Variants in CPNE4 observed in about 807,000 individuals in gnomAD.
The protein encoded by CPNE4 is copine 4, also known as copine-4.
A neutral mutation model predicts 67.9 loss-of-function variants in CPNE4; 25 were observed. The observed-to-expected ratio is 0.37, with a 90% confidence interval of 0.27 to 0.51. The LOEUF is 0.51. CPNE4 is among the 20% of genes least tolerant of loss of function. The pLI is 0.93. For missense variants in CPNE4, 464 were observed against 690.8 expected, an observed-to-expected ratio of 0.67 and a Z score of 3.68; for synonymous variants, 242 against 244.9, an observed-to-expected ratio of 0.99 and a Z score of 0.11.
intron 7 of CPNE4, among the ~76,000 whole-genome samples, chr3:131,610,014 A>G (rs1939739951): frequency 6.6e-6 from 1 of 152,148 alleles, no homozygotes; most frequent in Admixed American, 6.6e-5. Flanking sequence ...TCCTTTAAGA[A>G]TAATGTTTTA....
intron 2 of CPNE4, among the ~76,000 whole-genome samples, chr3:131,859,785 G>T (rs565452300): frequency 3.9e-5 from 6 of 152,256 alleles, no homozygotes; most frequent in Non-Finnish European, 7.4e-5. Context: ...ATACCCAAAC[G>T]TCTTTAGTTT....
intron 7 of CPNE4, among the ~76,000 whole-genome samples, chr3:131,656,916 T>C (rs1437278832): frequency 6.6e-6 from 1 of 152,160 alleles, no homozygotes; most frequent in Non-Finnish European, 1.5e-5. Flanking sequence ...GGTGGGAATT[T>C]CAGGCATATA....
intron 2 of CPNE4, among the ~76,000 whole-genome samples, chr3:131,854,903 T>C (rs1050292378): frequency 2.0e-5 from 3 of 151,382 alleles, no homozygotes; most frequent in African/African-American, 7.3e-5. Flanking sequence ...AACAGTACCA[T>C]TTCACATAAT....
Position 131,855,811 on chromosome 3 carries a change from C to T in CPNE4, c.180+49453G>A, listed in dbSNP as rs369508237. Among the ~76,000 whole-genome samples, 11 of 151,998 alleles carry T rather than the reference C, an allele frequency of 7.2e-5. No homozygotes were observed. In the South Asian group the frequency reaches 1.0e-3, roughly 14 times the overall value. The stretch of plus-strand genomic sequence containing the variant: ...CTTCCAGACATTGCTCAGCTAAATC[C>T]GTCATCATATATCTGGCTGTATTTA... On this transcript the variant is annotated intron_variant, in intron 2 of 15. Coordinates refer to ENST00000429747, the MANE Select transcript of CPNE4 (RefSeq NM_130808.3).
At chr3:131,906,526 G>A (rs1439928232) in intron 1 of CPNE4, among the ~76,000 whole-genome samples, 1 of 150,982 alleles carries the variant, frequency 6.6e-6, no homozygotes, top group Non-Finnish European at 1.5e-5. Context: ...TCTTGCGATA[G>A]TTTACTGAGA....
chr3:131,927,638 TAATC>T (rs1275549866), intron 1 of CPNE4, among the ~76,000 whole-genome samples: 2 of 152,224 alleles, frequency 1.3e-5, no homozygotes, highest in African/African-American at 4.8e-5. Flanking sequence ...ACTGATGAAT[TAATC>T]AATCAATCAA....
intron 2 of CPNE4, among the ~76,000 whole-genome samples, chr3:131,820,192 T>C (rs2084911987): frequency 6.6e-6 from 1 of 152,168 alleles, no homozygotes; most frequent in Non-Finnish European, 1.5e-5. Flanking sequence ...ATTCAGGATA[T>C]TTATTGAGGA....
At chr3:131,931,771 G>C (rs2071068089) in intron 1 of CPNE4, among the ~76,000 whole-genome samples, 1 of 152,052 alleles carries the variant, frequency 6.6e-6, no homozygotes. Context: ...GTGAACAAAG[G>C]GGTCGCACAA....
chr3:131,726,015 T>C (rs2081991304), intron 2 of CPNE4, among the ~76,000 whole-genome samples: 1 of 152,232 alleles, frequency 6.6e-6, no homozygotes, highest in South Asian at 2.1e-4. Context: ...TTATATTGTA[T>C]CTTTTGATAG....
intron 2 of CPNE4, among the ~76,000 whole-genome samples, chr3:131,778,796 T>C (rs1583183534): frequency 1.3e-5 from 2 of 152,028 alleles, no homozygotes; most frequent in African/African-American, 2.4e-5. Context: ...ACAAAACCGG[T>C]GCTGCCACTC....
intron 3 of CPNE4, among the ~76,000 whole-genome samples, chr3:131,718,558 C>A (rs1263601172): frequency 6.6e-6 from 1 of 152,162 alleles, no homozygotes; most frequent in Admixed American, 6.5e-5. Context: ...TATTTCTTTT[C>A]TCTGTTGGTG....
chr3:131,791,717 C>A (rs1436797259), intron 2 of CPNE4, among the ~76,000 whole-genome samples: 1 of 152,142 alleles, frequency 6.6e-6, no homozygotes. Context: ...CACTTTGCCC[C>A]AGGGGTGGTG....
chr3:131,729,338 G>A (rs1306161129), intron 2 of CPNE4, among the ~76,000 whole-genome samples: 1 of 152,148 alleles, frequency 6.6e-6, no homozygotes, highest in East Asian at 1.9e-4. Context: ...ATGGCTTTAT[G>A]TTTAAAAATA....
At chr3:131,675,820 A>G (rs1583003164) in intron 6 of CPNE4, among the ~76,000 whole-genome samples, 1 of 151,744 alleles carries the variant, frequency 6.6e-6, no homozygotes, top group African/African-American at 2.4e-5. Context: ...TCGATAGGTA[A>G]GGGGTTACTC....
intron 1 of CPNE4, among the ~76,000 whole-genome samples, chr3:131,973,411 T>G (rs2072554627): frequency 6.6e-6 from 1 of 152,130 alleles, no homozygotes; most frequent in South Asian, 2.1e-4. Context: ...TAGAAATATG[T>G]GATGATGATG....
intron 2 of CPNE4, among the ~76,000 whole-genome samples, chr3:131,776,742 A>G (rs2083300638): frequency 6.6e-6 from 1 of 152,040 alleles, no homozygotes; most frequent in African/African-American, 2.4e-5. Flanking sequence ...CTAATACAAA[A>G]CATTTATTGC....
intron 3 of CPNE4, among the ~76,000 whole-genome samples, chr3:131,708,993 T>TATATATAC (rs1440194300): frequency 4.8e-5 from 5 of 104,962 alleles, no homozygotes; most frequent in Non-Finnish European, 8.1e-5. Flanking sequence ...TATATATATA[T>TATATATAC]ATACATACAC....
At chr3:131,836,357 T>G (rs544719420) in intron 2 of CPNE4, among the ~76,000 whole-genome samples, 1 of 152,134 alleles carries the variant, frequency 6.6e-6, no homozygotes, top group Non-Finnish European at 1.5e-5. Flanking sequence ...AGAAAAAAAG[T>G]GTACGATTAT....
chr3:131,831,629 C>A (rs545584937), intron 2 of CPNE4, among the ~76,000 whole-genome samples: 1 of 152,066 alleles, frequency 6.6e-6, no homozygotes, highest in African/African-American at 2.4e-5. Flanking sequence ...CAGAAACATA[C>A]GCTGTAATAT....
Sources: allele counts gnomAD v4.1 joint callset (sites outside exome capture counted in the v4.1 genomes callset), GRCh38; gene constraint gnomAD v4.1.1; transcripts MANE v1.5; gene names NCBI Gene and HGNC (gene_info 2026-07-23, HGNC 2026-07-21).